Variants in TBC1D15 observed in about 807,000 individuals in gnomAD.
TBC1D15 encodes GAP for RAB7.
TBC1D15 carries 39 observed loss-of-function variants against 95.4 expected under a neutral mutation model. The observed-to-expected ratio is 0.41, with a 90% CI of 0.32 to 0.53. TBC1D15 has a LOEUF of 0.53. Among genes scored for constraint, TBC1D15 ranks in the 20% least tolerant of loss-of-function variants. TBC1D15 has a pLI of 0.29. For missense variants in TBC1D15, 733 were observed against 794.3 expected (o/e 0.92, Z 0.93); for synonymous variants, 258 against 261.3 (o/e 0.99, Z 0.12).
chr12:71,880,550 G>C lies in TBC1D15; in HGVS notation c.286G>C (p.Ala96Pro), dbSNP rs1240684515. Reference sequence around the variant, plus strand: ...ATCAGAACATCTGAACAGTTACGAAGCAGAATGGGACATGGTTAATACAGT... The same window carrying C: ...ATCAGAACATCTGAACAGTTACGAACCAGAATGGGACATGGTTAATACAGT... ...RGSEHLNSYE[A>P]EWDMVNTVSF... The change falls in exon 4 of 17, where the codon GCA (alanine) becomes CCA (proline). Residue 96 changes from alanine to proline, a missense_variant. Transcript: ENST00000485960. The C allele has an allele frequency of 1.2e-6, 2 of 1,613,426 alleles. No individual in the cohort carries two copies. Among genetic ancestry groups the C allele is most frequent in the Non-Finnish European group, 8.5e-7 (1 of 1,179,692 alleles).
chr12:71,850,857 C>T lies in TBC1D15; in HGVS notation c.30+11046C>T, dbSNP rs575687536. Among the ~76,000 whole-genome samples, 19 of 151,682 alleles carry T rather than the reference C, an allele frequency of 1.3e-4. No individual in the cohort carries two copies. The South Asian group carries it at 2.5e-3, about 20-fold the overall frequency. ...CAAAAATTAGCCAGGTGTTGTGGCG[C>T]GCGCCTATAGTCCCAACTACTTGGG... On this transcript the variant is annotated intron_variant, in intron 1 of 16. Transcript: ENST00000485960.
chr12:71,845,236 C>G (rs1289162338), intron 1 of TBC1D15, among the ~76,000 whole-genome samples: 1 of 152,134 alleles, frequency 6.6e-6, no homozygotes, highest in African/African-American at 2.4e-5. Flanking sequence ...TTTTAAGCCC[C>G]TGTGTGGTAT....
chr12:71,911,006 A>G (rs1902127140), intron 11 of TBC1D15, among the ~76,000 whole-genome samples: 1 of 152,218 alleles, frequency 6.6e-6, no homozygotes, highest in African/African-American at 2.4e-5. Flanking sequence ...TATGCAGCCA[A>G]AAAACACACG....
intron 1 of TBC1D15, among the ~76,000 whole-genome samples, chr12:71,859,107 T>C (rs1324628744): frequency 1.3e-5 from 2 of 152,150 alleles, no homozygotes; most frequent in Non-Finnish European, 2.9e-5. Flanking sequence ...TTTTTTCATA[T>C]ACCTGTTAGC....
At chr12:71,852,113 T>C (rs1248797011) in intron 1 of TBC1D15, among the ~76,000 whole-genome samples, 1 of 152,240 alleles carries the variant, frequency 6.6e-6, no homozygotes, top group Non-Finnish European at 1.5e-5. Context: ...TGTTGCATTC[T>C]GTGCACCTGC....
intron 11 of TBC1D15, among the ~76,000 whole-genome samples, chr12:71,913,099 T>C (rs1902800291): frequency 6.6e-6 from 1 of 152,106 alleles, no homozygotes. Flanking sequence ...ACTGTCACCA[T>C]TGAGAAATTG....
At chr12:71,852,207 C>G (rs1888004252) in intron 1 of TBC1D15, among the ~76,000 whole-genome samples, 1 of 152,224 alleles carries the variant, frequency 6.6e-6, no homozygotes, top group Non-Finnish European at 1.5e-5. Context: ...TGAGCTTTAC[C>G]TGGGCCCTTT....
At position 71,923,278 on chromosome 12, in the gene TBC1D15, G is replaced by C. The variant is rs1354854693; in HGVS notation, c.*74G>C. The C allele has an allele frequency of 5.0e-6, 7 of 1,410,812 alleles. No homozygotes were observed. The highest frequency in any genetic ancestry group is 1.4e-5 in the African/African-American group (1 of 70,714). 87.4% of individuals were successfully genotyped at this position (1,410,812 alleles called of 1,614,324 possible). A position where few individuals can be genotyped will look rare whatever the true frequency, so the allele number is the denominator to read the frequency against. Reference sequence around the variant, plus strand: ...TCAAGTACTTGAAAGTTGAAAATTTGAAATCTTGGTATTGATCATGCTTTA... The same window carrying C: ...TCAAGTACTTGAAAGTTGAAAATTTCAAATCTTGGTATTGATCATGCTTTA... On this transcript the variant is annotated 3_prime_UTR_variant, in exon 17 of 17. Transcript: ENST00000485960.
At position 71,868,406 on chromosome 12, in the gene TBC1D15, C is replaced by CG. The variant is rs1166903780; in HGVS notation, c.31-3662dup. 3.3e-5 allele frequency among the ~76,000 whole-genome samples: 5 copies of CG among 152,110 alleles called. No individual in the cohort carries two copies. The East Asian group carries it at 5.8e-4, about 18-fold the overall frequency. On this transcript the variant is annotated intron_variant, in intron 1 of 16. Coordinates refer to ENST00000485960, the MANE Select transcript of TBC1D15 (RefSeq NM_001146213.3). ...GACTACAGGCACCCGCCACCATGCCCGGATAATTTTTTCTATTTTTTAGTA... is the reference window on the plus strand; with the variant it reads ...GACTACAGGCACCCGCCACCATGCCCGGGATAATTTTTTCTATTTTTTAGTA...
chr12:71,899,898 A>G (rs1898967515), intron 10 of TBC1D15, among the ~76,000 whole-genome samples: 1 of 152,166 alleles, frequency 6.6e-6, no homozygotes, highest in East Asian at 1.9e-4. Flanking sequence ...GGTTGAGGCC[A>G]CAGTGAGCTG....
chr12:71,899,270 A>G (rs1374648655), intron 10 of TBC1D15, among the ~76,000 whole-genome samples: 1 of 152,248 alleles, frequency 6.6e-6, no homozygotes, highest in East Asian at 1.9e-4. Flanking sequence ...AAGTCCCCAT[A>G]ATGTAATTTG....
intron 1 of TBC1D15, chr12:71,850,021 C>T (rs1348674593): frequency 7.7e-6 from 4 of 520,294 alleles, no homozygotes; most frequent in Non-Finnish European, 1.5e-5. Flanking sequence ...AACAAGTTGA[C>T]CCTCTCCAGA....
intron 1 of TBC1D15, among the ~76,000 whole-genome samples, chr12:71,842,528 A>T (rs1885270196): frequency 6.6e-6 from 1 of 152,142 alleles, no homozygotes; most frequent in African/African-American, 2.4e-5. Context: ...GGAAGAAGCA[A>T]GAAGGTATGA....
intron 1 of TBC1D15, among the ~76,000 whole-genome samples, chr12:71,869,881 A>G (rs566136103): frequency 9.2e-5 from 14 of 152,232 alleles, no homozygotes; most frequent in South Asian, 2.1e-4. Context: ...TTTTAAATAT[A>G]TGACTATATT....
At chr12:71,861,054 T>G (rs1314245269) in intron 1 of TBC1D15, among the ~76,000 whole-genome samples, 2 of 152,152 alleles carry the variant, frequency 1.3e-5, no homozygotes, top group Admixed American at 1.3e-4. Context: ...TGGGATAAAT[T>G]GTGTTTGATC....
At chr12:71,880,730 G>T in intron 4 of TBC1D15, 123 bp downstream of exon 4, 1 of 1,080,180 alleles carries the variant, frequency 9.3e-7, no homozygotes, top group African/African-American at 1.6e-5. Context: ...TGGTTAATAG[G>T]TATAAATCTC....
At chr12:71,909,046 A>G (rs1004791371) in intron 11 of TBC1D15, among the ~76,000 whole-genome samples, 6 of 152,222 alleles carry the variant, frequency 3.9e-5, no homozygotes, top group Non-Finnish European at 5.9e-5. Flanking sequence ...ATAGAAATTC[A>G]TATGTATTCT....
chr12:71,915,072 A>T (rs1325800977), intron 12 of TBC1D15, among the ~76,000 whole-genome samples: 3 of 151,768 alleles, frequency 2.0e-5, no homozygotes, highest in African/African-American at 7.3e-5. Flanking sequence ...ATTTTTTTTG[A>T]CTATTTGGAA....
intron 8 of TBC1D15, 49 bp from the exon 9 acceptor site, chr12:71,896,628 G>T: frequency 6.7e-7 from 1 of 1,489,952 alleles, no homozygotes; most frequent in Non-Finnish European, 9.2e-7. Context: ...TGAACTTACA[G>T]TATTACATTC....
Sources: gnomAD v4.1 joint callset for allele counts (sites outside exome capture counted in the v4.1 genomes callset) on GRCh38, gnomAD v4.1.1 for gene constraint, MANE v1.5 for transcripts, NCBI Gene and HGNC (gene_info 2026-07-23, HGNC 2026-07-21) for gene names.